Variants in ATP2B3 observed in about 807,000 individuals in gnomAD.
ATP2B3 encodes the protein ATPase plasma membrane Ca2+ transporting 3.
ATP2B3 carries 12 observed loss-of-function variants against 70.8 expected under a neutral mutation model. That is an observed-to-expected ratio of 0.17 (90% CI 0.11 to 0.27). The LOEUF is 0.27. Ranked by LOEUF, ATP2B3 falls within the 10% of genes least tolerant of loss-of-function variation. The pLI is 1.00. For missense variants in ATP2B3, 858 were observed against 1,118.5 expected, an observed-to-expected ratio of 0.77 and a Z score of 3.32; for synonymous variants, 460 against 497.8, an observed-to-expected ratio of 0.92 and a Z score of 1.01.
In ATP2B3 at chrX:153,531,460, G is replaced by A. The variant is rs1235493862; in HGVS notation, c.-126-4662G>A. On this transcript the variant is annotated intron_variant, in intron 2 of 21. Transcript: ENST00000263519. ...AATCCCCGTAGTGAGTCACGTCGCTGAGTGATGGGCCCTTCTGAAAGGCGG... is the reference window on the plus strand; with the variant it reads ...AATCCCCGTAGTGAGTCACGTCGCTAAGTGATGGGCCCTTCTGAAAGGCGG... Among the ~76,000 whole-genome samples, 4 of 113,424 alleles carry A rather than the reference G, an allele frequency of 3.5e-5. No individual in the cohort carries two copies. The Admixed American group carries it at 3.7e-4, about 10-fold the overall frequency.
chrX:153,553,050 G>A lies in ATP2B3; in HGVS notation c.1839G>A (p.Leu613=). The change falls in exon 13 of 22, where the codon TTG becomes TTA. Residue 613 remains leucine, a synonymous_variant. Transcript: ENST00000263519. ...EILLKKCTNI[L]NSNGELRGFR... is the part of the protein sequence containing the mutation. ...CCCTGCCTAGGTGCACCAACATCTT[G>A]AACAGCAATGGCGAACTCCGGGGCT... 1 of 1,205,842 alleles carries A rather than the reference G, an allele frequency of 8.3e-7. No homozygotes were observed. Among genetic ancestry groups the A allele is most frequent in the African/African-American group, 1.7e-5 (1 of 57,632 alleles).
chrX:153,571,301 A>G (rs2090786171), intron 21 of ATP2B3, among the ~76,000 whole-genome samples: 1 of 112,421 alleles, frequency 8.9e-6, no homozygotes, highest in African/African-American at 3.2e-5. Flanking sequence ...AGCTGAGGGC[A>G]GCAGGGGGCA....
chrX:153,526,397 G>A (rs1345060211), intron 2 of ATP2B3, among the ~76,000 whole-genome samples: 1 of 111,659 alleles, frequency 9.0e-6, no homozygotes, highest in African/African-American at 3.3e-5. Flanking sequence ...GTCCCGGCCT[G>A]AGAGGGGGCC....
intron 21 of ATP2B3, among the ~76,000 whole-genome samples, chrX:153,578,245 A>C (rs191911606): frequency 2.0e-4 from 23 of 112,646 alleles, no homozygotes; most frequent in Non-Finnish European, 3.8e-5. Flanking sequence ...TCCTAGGTCG[A>C]ACCTTGGCCC....
At position 153,548,739 on chromosome X, in the gene ATP2B3, C is replaced by A; in HGVS notation, c.1223C>A (p.Pro408Gln). The change falls in exon 10 of 22, where the codon CCG becomes CAG. Residue 408 changes from proline (P) to glutamine (Q), a missense_variant. Physicochemically the swap from Pro to Gln is moderately conservative, Grantham distance 76. This residue lies in a region of ATP2B3 where 278 missense variants were observed against 366.2 expected (regional missense o/e 0.76). Coordinates refer to ENST00000263519, the MANE Select transcript of ATP2B3 (RefSeq NM_001001344.3). Reference sequence around the variant, plus strand: ...CGGACATGGCTGGCAGAGTGCACGCCGGTCTATGTACAATACTTCGTGAAG... The same window carrying A: ...CGGACATGGCTGGCAGAGTGCACGCAGGTCTATGTACAATACTTCGTGAAG... Reference protein sequence around the residue: ...EGRTWLAECTPVYVQYFVKFF... With the variant: ...EGRTWLAECTQVYVQYFVKFF... 8.3e-7 allele frequency: 1 copy of A among 1,211,540 alleles called. No homozygotes were observed. Among genetic ancestry groups the A allele is most frequent in the Non-Finnish European group, 1.1e-6 (1 of 895,409 alleles).
At chrX:153,543,257 G>A (rs2090314820) in intron 7 of ATP2B3, 89 bp downstream of exon 7, 3 of 1,098,098 alleles carry the variant, frequency 2.7e-6, no homozygotes, top group Admixed American at 3.1e-5. Context: ...GCCACTGGGG[G>A]CTCAGGGAGA....
At chrX:153,521,434 G>T (rs1361063198) in intron 2 of ATP2B3, among the ~76,000 whole-genome samples, 1 of 112,904 alleles carries the variant, frequency 8.9e-6, no homozygotes, top group Non-Finnish European at 1.9e-5. Flanking sequence ...AGGTCACATG[G>T]CTGAGTAGGT....
intron 17 of ATP2B3, 54 bp from the exon 18 acceptor site, chrX:153,559,675 C>T: frequency 1.7e-6 from 2 of 1,144,314 alleles, no homozygotes; most frequent in African/African-American, 1.8e-5. Context: ...GGTTTCCACC[C>T]CCAACCTTCC....
intron 3 of ATP2B3, among the ~76,000 whole-genome samples, chrX:153,540,431 C>T (rs191132621): frequency 0.032 from 3,578 of 112,287 alleles, 65 homozygotes; most frequent in Middle Eastern, 0.069. Context: ...CGTTCTTCTT[C>T]TTTGGGTCTC....
intron 21 of ATP2B3, chrX:153,569,532 C>T (rs905465914): frequency 1.3e-5 from 15 of 1,143,302 alleles, no homozygotes; most frequent in Non-Finnish European, 1.8e-5. Flanking sequence ...CCTATCCTCG[C>T]CCAGCCCTCC....
intron 12 of ATP2B3, 22 bp downstream of exon 12, chrX:153,550,308 G>A (rs1557011022): frequency 3.3e-6 from 4 of 1,207,466 alleles, no homozygotes; most frequent in East Asian, 5.9e-5. Context: ...GCAGGGAGGT[G>A]CCGGGGTACG....
At chrX:153,550,954 T>C (rs782057629) in intron 12 of ATP2B3, among the ~76,000 whole-genome samples, 49 of 112,509 alleles carry the variant, frequency 4.4e-4, no homozygotes, top group Non-Finnish European at 8.4e-4. Flanking sequence ...GAGCATTGTG[T>C]TGGTCCATCC....
intron 3 of ATP2B3, among the ~76,000 whole-genome samples, chrX:153,538,080 A>C (rs2090219579): frequency 8.9e-6 from 1 of 112,662 alleles, no homozygotes; most frequent in Non-Finnish European, 1.9e-5. Context: ...TCCCCTCTTC[A>C]ACCCTCAAGG....
intron 8 of ATP2B3, among the ~76,000 whole-genome samples, chrX:153,547,448 C>T (rs782381453): frequency 1.8e-5 from 2 of 110,977 alleles, no homozygotes; most frequent in African/African-American, 6.5e-5. Context: ...GGAGGTGGCT[C>T]GGACACCAGT....
Position 153,557,006 on chromosome X carries a change from G to A in ATP2B3, c.2416G>A (p.Asp806Asn). The A allele has an allele frequency of 8.4e-7, 1 of 1,185,775 alleles. No homozygotes were observed. The change falls in exon 16 of 22, where the codon GAC (aspartate) becomes AAC (asparagine). Residue 806 changes from aspartate (D) to asparagine (N), a missense_variant. Around this residue, in one of 5 missense-constraint regions of ATP2B3, gnomAD observed 50 missense variants for 106.7 expected, o/e 0.47. Coordinates refer to ENST00000263519, the MANE Select transcript of ATP2B3 (RefSeq NM_001001344.3). ...CGATGGGCCGGCCCTCAAGAAGGCG[G>A]ACGTGGGCTTCGCCATGGTAAGCCA... Reference protein sequence around the residue: ...TNDGPALKKADVGFAMGIAGT... With the variant: ...TNDGPALKKANVGFAMGIAGT...
intron 2 of ATP2B3, chrX:153,533,160 G>A (rs1389854875): frequency 9.0e-6 from 1 of 111,538 alleles, no homozygotes; most frequent in African/African-American, 3.3e-5. Flanking sequence ...CTGACCACGC[G>A]GTAGACTTCC....
chrX:153,539,616 C>G (rs1557005499), intron 3 of ATP2B3, among the ~76,000 whole-genome samples: 1 of 113,249 alleles, frequency 8.8e-6, no homozygotes, highest in African/African-American at 3.2e-5. Context: ...AGATGGCAGG[C>G]GTGAGCCCAG....
At chrX:153,527,849 G>A (rs782447387) in intron 2 of ATP2B3, among the ~76,000 whole-genome samples, 7 of 112,743 alleles carry the variant, frequency 6.2e-5, no homozygotes, top group African/African-American at 1.9e-4. Context: ...GGAGGGGAGC[G>A]TGTGGCGGGA....
intron 21 of ATP2B3, among the ~76,000 whole-genome samples, chrX:153,565,360 T>C (rs2090689909): frequency 8.8e-6 from 1 of 113,096 alleles, no homozygotes; most frequent in African/African-American, 3.2e-5. Context: ...GCTAAAGGTG[T>C]GTGTGGGTGA....
Sources: allele counts gnomAD v4.1 joint callset (sites outside exome capture counted in the v4.1 genomes callset), GRCh38; gene constraint gnomAD v4.1.1; regional missense constraint gnomAD v4.1.1; transcripts MANE v1.5; gene names NCBI Gene and HGNC (gene_info 2026-07-23, HGNC 2026-07-21).